The following ZDHHC22 variants were observed in gnomAD, a reference collection of about 807,000 sequenced individuals.
ZDHHC22 encodes zDHHC palmitoyltransferase 22, also known as palmitoyltransferase ZDHHC22.
A neutral mutation model predicts 17.0 loss-of-function variants in ZDHHC22; 13 were observed. The observed-to-expected ratio is 0.76, with a 90% CI of 0.50 to 1.21. The LOEUF (loss-of-function observed/expected upper bound fraction) is 1.21. Ranked by LOEUF, ZDHHC22 falls within the 50% of genes most tolerant of loss-of-function variation. The pLI is 0.00. For synonymous variants in ZDHHC22, 138 were observed against 154.7 expected, an observed-to-expected ratio of 0.89 and a Z score of 0.80; for missense variants, 319 against 342.3, an observed-to-expected ratio of 0.93 and a Z score of 0.54.
chr14:77,137,138 A>G (rs1384461919), intron 2 of ZDHHC22, among the ~76,000 whole-genome samples: 1 of 152,154 alleles, frequency 6.6e-6, no homozygotes, highest in Admixed American at 6.5e-5. Flanking sequence ...GGAAAGCCAA[A>G]CAGGTGGGGT....
At chr14:77,142,033 T>C (rs1887266222), upstream of ZDHHC22, 1 of 152,470 alleles carries the variant, frequency 6.6e-6, no homozygotes, top group Admixed American at 6.5e-5. Flanking sequence ...CCCTCTCGGC[T>C]AGGTCCCACG....
rs375181807 is a variant in ZDHHC22 at position 77,139,791 on chromosome 14, G to A, written c.-14-39C>T. 1.7e-5 allele frequency: 24 copies of A among 1,445,506 alleles called. No individual in the cohort carries two copies. The African/African-American group carries it at 2.9e-4, about 17-fold the overall frequency. The allele number at this position is 1,445,506 out of a possible 1,614,324, so 89.5% of individuals were successfully genotyped here. On this transcript the variant is annotated intron_variant, in intron 1 of 2. Coordinates refer to ENST00000319374, the MANE Select transcript of ZDHHC22 (RefSeq NM_174976.2). ...GGTGAGAAGAGGACTGACTGACTACGGCGTCCAGGGGGCGCCCTCGCCCGC... is the reference window on the plus strand; with the variant it reads ...GGTGAGAAGAGGACTGACTGACTACAGCGTCCAGGGGGCGCCCTCGCCCGC...
At chr14:77,138,570 A>G (rs563315691) in intron 2 of ZDHHC22, among the ~76,000 whole-genome samples, 3,119 of 152,036 alleles carry the variant, frequency 0.021, 122 homozygotes, top group African/African-American at 0.072. Flanking sequence ...TTAAAAAAAA[A>G]AAACAAAAAA....
rs148264992 is a variant in ZDHHC22, at chr14:77,140,344, A to ATG, written c.-14-594_-14-593dup. 0.016 allele frequency among the ~76,000 whole-genome samples: 2,493 copies of ATG among 151,704 alleles called. 65 individuals carry two copies. The highest frequency in any genetic ancestry group is 0.057 in the African/African-American group (2,372 of 41,388). The stretch of plus-strand genomic sequence containing the variant: ...AGGTATGTGTGCGTGAGGGACCACG[A>ATG]TGTGTGTGTGTGTGTCCTTGTCTGT... On this transcript the variant is annotated intron_variant, in intron 1 of 2. Coordinates refer to ENST00000319374, the MANE Select transcript of ZDHHC22 (RefSeq NM_174976.2). This position sits in a 1 kb window ranked among gnomAD's most constrained non-coding sequence, Gnocchi z 5.9.
rs1046314575 is a variant in ZDHHC22 at position 77,140,129 on chromosome 14, G to A, written c.-14-377C>T. The stretch of plus-strand genomic sequence containing the variant: ...TGGATGTGGAAACAAGCCCAGGTTT[G>A]GGATTTCTGGTTCAGACCTCCCTAG... On this transcript the variant is annotated intron_variant, in intron 1 of 2. Coordinates refer to ENST00000319374, the MANE Select transcript of ZDHHC22 (RefSeq NM_174976.2). This position sits in a 1 kb window ranked among gnomAD's most constrained non-coding sequence, Gnocchi z 5.9. Among the ~76,000 whole-genome samples, 3 of 152,102 alleles carry A rather than the reference G, an allele frequency of 2.0e-5. No homozygotes were observed. The highest frequency in any genetic ancestry group is 7.2e-5 in the African/African-American group (3 of 41,410).
At position 77,133,627 on chromosome 14, in the gene ZDHHC22, T is replaced by A. The variant is rs1887075675; in HGVS notation, c.*56A>T. On this transcript the variant is annotated 3_prime_UTR_variant, in exon 3 of 3. Coordinates refer to ENST00000319374, the MANE Select transcript of ZDHHC22 (RefSeq NM_174976.2). ...TGGGTGGAGACAAGGCTGCCATGGTTTTATGCTCAGGAGGAGTCAAGACAG... is the reference window on the plus strand; with the variant it reads ...TGGGTGGAGACAAGGCTGCCATGGTATTATGCTCAGGAGGAGTCAAGACAG... 1 of 1,566,906 alleles carries A rather than the reference T, an allele frequency of 6.4e-7. No homozygotes were observed. The highest frequency in any genetic ancestry group is 8.7e-7 in the Non-Finnish European group (1 of 1,155,804).
In ZDHHC22 at chr14:77,139,605, G is replaced by T; in HGVS notation, c.134C>A (p.Ser45Ter). 6.3e-7 allele frequency: 1 copy of T among 1,588,342 alleles called. No individual in the cohort carries two copies. The highest frequency in any genetic ancestry group is 2.3e-5 in the East Asian group (1 of 43,698). The part of the protein sequence containing the change: ...REDPAAARLF[S>*]PALLHGALFL... Reference sequence around the variant, plus strand: ...GAGCGCCCCGTGGAGCAGGGCGGGCGAGAAGAGCCGGGCGGCCGCGGGGTC... The same window carrying T: ...GAGCGCCCCGTGGAGCAGGGCGGGCTAGAAGAGCCGGGCGGCCGCGGGGTC... Residue 45 changes from serine (S) to a stop codon, truncating the protein, a stop_gained, in exon 2 of 3, where the codon TCG becomes TAG. Coordinates refer to ENST00000319374, the MANE Select transcript of ZDHHC22 (RefSeq NM_174976.2). LOFTEE classifies it high-confidence loss of function.
chr14:77,138,767 G>A (rs1887185597), intron 2 of ZDHHC22, among the ~76,000 whole-genome samples: 1 of 152,158 alleles, frequency 6.6e-6, no homozygotes, highest in African/African-American at 2.4e-5. Flanking sequence ...TGGGTGACAT[G>A]TAAGCAGAAC....
chr14:77,139,464 G>T lies in ZDHHC22; in HGVS notation c.275C>A (p.Pro92His), dbSNP rs545505514. ...GCACACTCGGCAGAAGTGGGTGCTAGGTGAGGGGCATGGAGTCTTCCTGGC... is the reference window on the plus strand; with the variant it reads ...GCACACTCGGCAGAAGTGGGTGCTATGTGAGGGGCATGGAGTCTTCCTGGC... ...ASARKTPCPS[P>H]STHFCRVCAR... Residue 92 changes from proline to histidine, a missense_variant, in exon 2 of 3, where the codon CCT (proline) becomes CAT (histidine). Physicochemically the swap from Pro to His is moderately conservative, Grantham distance 77 (BLOSUM62 -2). Coordinates refer to ENST00000319374, the MANE Select transcript of ZDHHC22 (RefSeq NM_174976.2). 1 of 1,613,248 alleles carries T rather than the reference G, an allele frequency of 6.2e-7. No individual in the cohort carries two copies. Among genetic ancestry groups the T allele is most frequent in the South Asian group, 1.1e-5 (1 of 90,804 alleles).
chr14:77,133,373 G>A lies in ZDHHC22; in HGVS notation c.*310C>T, dbSNP rs1887069975. The A allele has an allele frequency of 2.9e-6, 1 of 344,232 alleles. No homozygotes were observed. Among genetic ancestry groups the A allele is most frequent in the Non-Finnish European group, 5.3e-6 (1 of 188,344 alleles). 21.3% of individuals were successfully genotyped at this position (344,232 alleles called of 1,614,324 possible). ...CAGCAGTGATGAATGAGACACGGTG[G>A]AGAATGGATGAGCCAGGAAGAGGGG... On this transcript the variant is annotated 3_prime_UTR_variant, in exon 3 of 3. Coordinates refer to ENST00000319374, the MANE Select transcript of ZDHHC22 (RefSeq NM_174976.2).
chr14:77,137,387 C>T (rs1242482256), intron 2 of ZDHHC22, among the ~76,000 whole-genome samples: 2 of 152,204 alleles, frequency 1.3e-5, no homozygotes, highest in Non-Finnish European at 2.9e-5. Context: ...GCCTCAAGCC[C>T]AGATTTATCT....
chr14:77,139,805 G>A, intron 1 of ZDHHC22, 53 bp from the exon 2 acceptor site: 7 of 1,434,844 alleles, frequency 4.9e-6, no homozygotes, highest in South Asian at 1.5e-5. Flanking sequence ...TCCAGGGGGC[G>A]CCCTCGCCCG....
rs953656664 is a variant in ZDHHC22 at position 77,135,997 on chromosome 14, A to T, written c.527-2049T>A. Among the ~76,000 whole-genome samples the T allele has an allele frequency of 2.8e-4, 42 of 152,050 alleles. 1 individual carries two copies. Among genetic ancestry groups the T allele is most frequent in the Admixed American group, 2.4e-3 (36 of 15,274 alleles). On this transcript the variant is annotated intron_variant, in intron 2 of 2. Coordinates refer to ENST00000319374, the MANE Select transcript of ZDHHC22 (RefSeq NM_174976.2). ...TCTGCCTCTTTTTAAAAATCACAGAATTTTCCTAATGAGCCTAAAAGGACA... is the reference window on the plus strand; with the variant it reads ...TCTGCCTCTTTTTAAAAATCACAGATTTTTCCTAATGAGCCTAAAAGGACA...
intron 2 of ZDHHC22, among the ~76,000 whole-genome samples, chr14:77,137,803 A>G (rs1175684411): frequency 6.6e-6 from 1 of 152,216 alleles, no homozygotes; most frequent in Non-Finnish European, 1.5e-5. Context: ...CAGAATTTTT[A>G]TGAATGTTCA....
chr14:77,135,559 G>A (rs1355246582), intron 2 of ZDHHC22, among the ~76,000 whole-genome samples: 1 of 152,174 alleles, frequency 6.6e-6, no homozygotes, highest in East Asian at 1.9e-4. Flanking sequence ...GGCAGCAGTG[G>A]GACAGGGCTC....
intron 2 of ZDHHC22, among the ~76,000 whole-genome samples, chr14:77,136,595 A>G (rs1887141012): frequency 6.6e-6 from 1 of 152,076 alleles, no homozygotes; most frequent in Non-Finnish European, 1.5e-5. Flanking sequence ...CTGAAACCTA[A>G]CTAGCTAGCC....
Position 77,131,752 on chromosome 14 carries a change from G to A in ZDHHC22, c.*1931C>T, listed in dbSNP as rs1462818885. 3.9e-5 allele frequency: 6 copies of A among 152,104 alleles called. No individual in the cohort carries two copies. Among genetic ancestry groups the A allele is most frequent in the Admixed American group, 6.5e-5 (1 of 15,286 alleles). 9.4% of individuals were successfully genotyped at this position (152,104 alleles called of 1,614,324 possible). ...AGGGAGTGTGAATCAGTGCACAGAC[G>A]GCAGTGACAAGGTGCCCCTGATGGC... On this transcript the variant is annotated 3_prime_UTR_variant, in exon 3 of 3. Transcript: ENST00000319374.
chr14:77,136,194 G>A (rs1887133829), intron 2 of ZDHHC22, among the ~76,000 whole-genome samples: 2 of 152,162 alleles, frequency 1.3e-5, no homozygotes, highest in African/African-American at 4.8e-5. Context: ...GCAGTATGGT[G>A]GGTGGAAAGA....
chr14:77,138,178 A>G (rs74069087), intron 2 of ZDHHC22, among the ~76,000 whole-genome samples: 10,236 of 152,238 alleles, frequency 0.067, 1,103 homozygotes, highest in African/African-American at 0.23. Context: ...TCTCAAGGCC[A>G]AATAAAGTGG....
Sources: gnomAD v4.1 joint callset for allele counts (sites outside exome capture counted in the v4.1 genomes callset) on GRCh38, gnomAD v4.1.1 for gene constraint, Gnocchi (gnomAD v3.1) non-coding constraint, MANE v1.5 for transcripts, NCBI Gene and HGNC (gene_info 2026-07-23, HGNC 2026-07-21) for gene names.